The following PLCB1 variants were observed in gnomAD, a reference collection of about 807,000 sequenced individuals.
The protein encoded by PLCB1 is phospholipase C beta 1.
A neutral mutation model predicts 161.8 loss-of-function variants in PLCB1; 46 were observed. The observed-to-expected ratio is 0.28, with a 90% CI of 0.22 to 0.36. PLCB1 has a LOEUF of 0.36. Ranked by LOEUF, PLCB1 falls within the 10% of genes least tolerant of loss-of-function variation. The pLI, the probability that PLCB1 is intolerant of heterozygous loss-of-function variation, is 1.00. For missense variants in PLCB1, 1,016 were observed against 1,472.5 expected (o/e 0.69, Z 5.07); for synonymous variants, 517 against 503.7 (o/e 1.03, Z -0.35).
At chr20:8,331,565 C>T (rs1222671989) in intron 2 of PLCB1, among the ~76,000 whole-genome samples, 1 of 152,168 alleles carries the variant, frequency 6.6e-6, no homozygotes, top group Admixed American at 6.5e-5. Context: ...ACAGAAGTTA[C>T]TGAAGCATGG....
rs1983170919 is a variant in PLCB1 at position 8,780,637 on chromosome 20, G to T, written c.3111+5918G>T. ...ACCAACGTTAGTACCATCAAACTGA[G>T]TTCAGCCCCAGAAAGCTAAAAAGTT... On this transcript the variant is annotated intron_variant, in intron 27 of 31. Coordinates refer to ENST00000338037, the MANE Select transcript of PLCB1 (RefSeq NM_015192.4). Among the ~76,000 whole-genome samples the T allele has an allele frequency of 2.6e-5, 4 of 152,130 alleles. No homozygotes were observed. In the South Asian group the frequency reaches 8.3e-4, roughly 31 times the overall value.
At chr20:8,337,107 T>C (rs1985609625) in intron 2 of PLCB1, among the ~76,000 whole-genome samples, 1 of 152,200 alleles carries the variant, frequency 6.6e-6, no homozygotes, top group Non-Finnish European at 1.5e-5. Context: ...TAAAAATAGA[T>C]AATAATGACT....
At chr20:8,698,592 T>G in intron 11 of PLCB1, among the ~76,000 whole-genome samples, 1 of 152,204 alleles carries the variant, frequency 6.6e-6, no homozygotes, top group South Asian at 2.1e-4. Flanking sequence ...TATGGTCAAG[T>G]TGGGTTTGTT....
rs1024393834 is a variant in PLCB1, at chr20:8,579,497, C to T, written c.247-48797C>T. On this transcript the variant is annotated intron_variant, in intron 3 of 31. Coordinates refer to ENST00000338037, the MANE Select transcript of PLCB1 (RefSeq NM_015192.4). ...CAAGCCTCTACATGTTGGGTTAGTT[C>T]GTTACATGGCATTAGTATGAAAATA... Among the ~76,000 whole-genome samples, 6 of 152,168 alleles carry T rather than the reference C, an allele frequency of 3.9e-5. No homozygotes were observed. In the East Asian group the frequency reaches 7.7e-4, roughly 20 times the overall value.
intron 2 of PLCB1, among the ~76,000 whole-genome samples, chr20:8,296,176 A>G (rs1983620216): frequency 6.6e-6 from 1 of 152,200 alleles, no homozygotes; most frequent in African/African-American, 2.4e-5. Context: ...GCCATTGAAT[A>G]TGTCAAGTTA....
chr20:8,402,905 ACT>A lies in PLCB1; in HGVS notation c.246+31460_246+31461del, dbSNP rs1273704515. 3.3e-5 allele frequency among the ~76,000 whole-genome samples: 5 copies of A among 151,864 alleles called. 1 individual carries two copies. Among genetic ancestry groups the A allele is most frequent in the African/African-American group, 1.2e-4 (5 of 41,362 alleles). ...TTTGATTTTTTTCATTTTAACTCAT[ACT>A]CTCTGTAACAATTACAGTGTCACCT... On this transcript the variant is annotated intron_variant, in intron 3 of 31. Coordinates refer to ENST00000338037, the MANE Select transcript of PLCB1 (RefSeq NM_015192.4).
chr20:8,429,500 A>G (rs1979941063), intron 3 of PLCB1, among the ~76,000 whole-genome samples: 1 of 150,802 alleles, frequency 6.6e-6, no homozygotes, highest in African/African-American at 2.4e-5. Flanking sequence ...TGAAGGAAAT[A>G]GAACATAATA....
At chr20:8,155,652 T>G (rs138872583) in intron 2 of PLCB1, among the ~76,000 whole-genome samples, 1 of 152,312 alleles carries the variant, frequency 6.6e-6, no homozygotes, top group East Asian at 1.9e-4. Flanking sequence ...ATTAATGATT[T>G]TTAGCAGTGG....
At chr20:8,294,143 G>GA (rs1335633148) in intron 2 of PLCB1, among the ~76,000 whole-genome samples, 2 of 151,876 alleles carry the variant, frequency 1.3e-5, no homozygotes, top group South Asian at 2.1e-4. Flanking sequence ...TATATATTTA[G>GA]AAAAAAAATT....
chr20:8,715,009 A>G (rs916395053), intron 12 of PLCB1, among the ~76,000 whole-genome samples: 4 of 152,174 alleles, frequency 2.6e-5, no homozygotes, highest in African/African-American at 4.8e-5. Flanking sequence ...AAATAAGAAT[A>G]AGAATCACAT....
At chr20:8,517,684 G>A (rs924578499) in intron 3 of PLCB1, among the ~76,000 whole-genome samples, 1 of 152,162 alleles carries the variant, frequency 6.6e-6, no homozygotes, top group Non-Finnish European at 1.5e-5. Context: ...ATGGGACCGG[G>A]GCTCAGATGT....
At chr20:8,214,091 A>G (rs567600997) in intron 2 of PLCB1, among the ~76,000 whole-genome samples, 1 of 152,252 alleles carries the variant, frequency 6.6e-6, no homozygotes, top group East Asian at 1.9e-4. Context: ...AAGGAGGTTG[A>G]GGTAAAGAGC....
At chr20:8,711,840 C>G (rs1979034444) in intron 12 of PLCB1, among the ~76,000 whole-genome samples, 4 of 152,138 alleles carry the variant, frequency 2.6e-5, no homozygotes, top group Admixed American at 2.6e-4. Context: ...CCTCAGAATC[C>G]TTCTCAACAC....
chr20:8,349,881 TA>T (rs1456985566), intron 2 of PLCB1, among the ~76,000 whole-genome samples: 2 of 151,932 alleles, frequency 1.3e-5, no homozygotes, highest in African/African-American at 2.4e-5. Context: ...ATCAATATAT[TA>T]AAAAAGACCC....
intron 3 of PLCB1, among the ~76,000 whole-genome samples, chr20:8,606,577 C>A (rs1987764619): frequency 1.3e-5 from 2 of 152,176 alleles, no homozygotes; most frequent in African/African-American, 4.8e-5. Flanking sequence ...AGTGCCCTAT[C>A]TACCCAACTC....
intron 8 of PLCB1, among the ~76,000 whole-genome samples, chr20:8,657,749 T>C (rs1461168892): frequency 6.6e-6 from 1 of 152,068 alleles, no homozygotes; most frequent in African/African-American, 2.4e-5. Context: ...GGCATTACCT[T>C]TTTTTGAAAG....
In PLCB1 at chr20:8,375,821, A is replaced by G. The variant is rs1987056177; in HGVS notation, c.246+4371A>G. ...GTAAGTTCCGTTAGCCCTTGATTCC[A>G]GCTTTTAAATTGAGAAGTTAAACAC... On this transcript the variant is annotated intron_variant, in intron 3 of 31. Transcript: ENST00000338037. Among the ~76,000 whole-genome samples, 9 of 152,178 alleles carry G rather than the reference A, an allele frequency of 5.9e-5. No homozygotes were observed. In the South Asian group the frequency reaches 1.7e-3, roughly 28 times the overall value.
At chr20:8,588,053 C>T (rs1987042666) in intron 3 of PLCB1, among the ~76,000 whole-genome samples, 3 of 152,074 alleles carry the variant, frequency 2.0e-5, no homozygotes, top group Admixed American at 2.0e-4. Flanking sequence ...GATAAATAGC[C>T]ATAACTCTTA....
chr20:8,472,049 T>A (rs948685593), intron 3 of PLCB1, among the ~76,000 whole-genome samples: 3 of 152,224 alleles, frequency 2.0e-5, no homozygotes, highest in African/African-American at 7.2e-5. Context: ...GCAAAATTTT[T>A]AAACTATTCC....
Sources: gnomAD v4.1 joint callset for allele counts (sites outside exome capture counted in the v4.1 genomes callset) on GRCh38, gnomAD v4.1.1 for gene constraint, MANE v1.5 for transcripts, NCBI Gene and HGNC (gene_info 2026-07-23, HGNC 2026-07-21) for gene names.